The following HIVEP2 variants were observed in gnomAD, a reference collection of about 807,000 sequenced individuals.
HIVEP2 encodes the protein HIVEP zinc finger 2.
A neutral mutation model predicts 180.7 loss-of-function variants in HIVEP2; 14 were observed. The ratio of observed to expected loss-of-function variants is 0.08; its 90% CI spans 0.05 to 0.12. HIVEP2 has a LOEUF of 0.12. Ranked by LOEUF, HIVEP2 falls within the 10% of genes least tolerant of loss-of-function variation. HIVEP2 has a pLI of 1.00. For synonymous variants in HIVEP2, 1,184 were observed against 1,136.4 expected (o/e 1.04, Z -0.84); for missense variants, 2,579 against 3,008.5 (o/e 0.86, Z 3.34).
chr6:142,771,407 A>G lies in HIVEP2; in HGVS notation c.3332T>C (p.Leu1111Pro). The G allele has an allele frequency of 1.9e-6, 3 of 1,613,394 alleles. No individual in the cohort carries two copies. Among genetic ancestry groups the G allele is most frequent in the Non-Finnish European group, 2.5e-6 (3 of 1,180,008 alleles). ...CCACCCGGACCGGAGGCCAGCATGCAGGTGCTCCAGCTGCTCTTGCTTCAC... is the reference window on the plus strand; with the variant it reads ...CCACCCGGACCGGAGGCCAGCATGCGGGTGCTCCAGCTGCTCTTGCTTCAC... The part of the protein sequence containing the change: ...QSVKQEQLEH[L>P]HAGLRSGWHH... The change falls in exon 5 of 10, where the codon CTG becomes CCG. Residue 1111 changes from leucine (L) to proline (P), a missense_variant. Coordinates refer to ENST00000367603, the MANE Select transcript of HIVEP2 (RefSeq NM_006734.4). The surrounding 1 kb of genome is among the most constrained non-coding windows in gnomAD (Gnocchi z 5.4).
intron 1 of HIVEP2, among the ~76,000 whole-genome samples, chr6:142,933,225 G>A (rs368131404): frequency 6.6e-5 from 10 of 152,264 alleles, no homozygotes; most frequent in South Asian, 6.2e-4. Flanking sequence ...TCACTGCCTC[G>A]TTTATTTAGA....
intron 1 of HIVEP2, among the ~76,000 whole-genome samples, chr6:142,864,412 A>C (rs1471308078): frequency 6.6e-6 from 1 of 152,180 alleles, no homozygotes; most frequent in Non-Finnish European, 1.5e-5. Flanking sequence ...TTTCCAAAGA[A>C]ACTGACATCC....
chr6:142,791,921 A>G (rs1776146913), intron 2 of HIVEP2, among the ~76,000 whole-genome samples: 1 of 152,216 alleles, frequency 6.6e-6, no homozygotes, highest in Non-Finnish European at 1.5e-5. Context: ...TGTTGTGAGT[A>G]TATGAAGACA....
Position 142,938,346 on chromosome 6 carries a change from C to T in HIVEP2, c.-641+6753G>A, listed in dbSNP as rs566713073. ...GCATCCAATTAACAAGCCAAATTAG[C>T]GTTTCATATGTACACTATTAAACTA... On this transcript the variant is annotated intron_variant, in intron 1 of 9. Transcript: ENST00000367603. 9.2e-5 allele frequency among the ~76,000 whole-genome samples: 14 copies of T among 152,266 alleles called. No homozygotes were observed. In the South Asian group the frequency reaches 2.7e-3, roughly 29 times the overall value.
intron 2 of HIVEP2, among the ~76,000 whole-genome samples, chr6:142,795,749 G>A (rs1416656707): frequency 6.6e-6 from 1 of 152,088 alleles, no homozygotes; most frequent in Non-Finnish European, 1.5e-5. Context: ...CCTTGTAATG[G>A]AAGAAGAGCA....
Position 142,753,712 on chromosome 6 carries a change from T to C in HIVEP2, c.6736A>G (p.Ser2246Gly). 1 of 1,614,050 alleles carries C rather than the reference T, an allele frequency of 6.2e-7. No homozygotes were observed. Among genetic ancestry groups the C allele is most frequent in the Non-Finnish European group, 8.5e-7 (1 of 1,180,004 alleles). The stretch of plus-strand genomic sequence containing the variant: ...GGCAATGTGGGTGAAGGATGTAAAC[T>C]GGAAAGGGCTGGCGGCATGGAGTGA... ...MVHSMPPALS[S>G]LHPSPTLPLP... The change falls in exon 10 of 10, where the codon AGT becomes GGT. Residue 2246 changes from serine (S) to glycine (G), a missense_variant. By Grantham distance (56) the Ser-to-Gly change is moderately conservative. Coordinates refer to ENST00000367603, the MANE Select transcript of HIVEP2 (RefSeq NM_006734.4).
At chr6:142,870,501 C>T (rs1233661887) in intron 1 of HIVEP2, among the ~76,000 whole-genome samples, 1 of 152,154 alleles carries the variant, frequency 6.6e-6, no homozygotes, top group Non-Finnish European at 1.5e-5. Context: ...ATCCTCCTGC[C>T]CCCTTTTATT....
At chr6:142,874,749 C>G (rs901505618) in intron 1 of HIVEP2, among the ~76,000 whole-genome samples, 1 of 152,130 alleles carries the variant, frequency 6.6e-6, no homozygotes, top group African/African-American at 2.4e-5. Flanking sequence ...TCTGAATAAA[C>G]ATGGTCCATT....
intron 7 of HIVEP2, among the ~76,000 whole-genome samples, chr6:142,763,922 T>C (rs1283202636): frequency 6.6e-6 from 1 of 152,218 alleles, no homozygotes. Flanking sequence ...TAAAAGAATA[T>C]AGGTATACAT....
chr6:142,911,139 TAAAAAA>T (rs5880554), intron 1 of HIVEP2, among the ~76,000 whole-genome samples: 15 of 106,230 alleles, frequency 1.4e-4, no homozygotes, highest in East Asian at 1.0e-3. Flanking sequence ...ACAAACACAT[TAAAAAA>T]AAAAAAAAAA....
chr6:142,872,904 T>C (rs1776329254), intron 1 of HIVEP2, among the ~76,000 whole-genome samples: 1 of 152,204 alleles, frequency 6.6e-6, no homozygotes. Flanking sequence ...TTTTGACTGA[T>C]TTGACTATTG....
At chr6:142,867,492 C>G (rs1022517900) in intron 1 of HIVEP2, among the ~76,000 whole-genome samples, 1 of 152,152 alleles carries the variant, frequency 6.6e-6, no homozygotes, top group African/African-American at 2.4e-5. Flanking sequence ...AACAGATATG[C>G]TTTTGGTACA....
intron 1 of HIVEP2, among the ~76,000 whole-genome samples, chr6:142,942,860 T>C (rs1778213531): frequency 6.6e-6 from 1 of 152,182 alleles, no homozygotes; most frequent in African/African-American, 2.4e-5. Context: ...AAAATACAGA[T>C]GCAAATAAGC....
chr6:142,843,357 G>GA (rs960743426), intron 1 of HIVEP2, among the ~76,000 whole-genome samples: 1 of 151,978 alleles, frequency 6.6e-6, no homozygotes, highest in African/African-American at 2.4e-5. Context: ...AGCTAATACA[G>GA]AAAAAAAGTA....
chr6:142,816,923 C>G (rs901378605), intron 2 of HIVEP2, among the ~76,000 whole-genome samples: 1 of 151,958 alleles, frequency 6.6e-6, no homozygotes, highest in South Asian at 2.1e-4. Flanking sequence ...CACACAAACA[C>G]GCTATCTCTC....
chr6:142,787,923 C>T (rs1203070225), intron 2 of HIVEP2, among the ~76,000 whole-genome samples: 1 of 152,162 alleles, frequency 6.6e-6, no homozygotes, highest in African/African-American at 2.4e-5. Flanking sequence ...AGGAAGGATT[C>T]CCACAGAGTT....
At chr6:142,887,934 G>A (rs1776747658) in intron 1 of HIVEP2, among the ~76,000 whole-genome samples, 3 of 148,900 alleles carry the variant, frequency 2.0e-5, no homozygotes, top group Admixed American at 1.3e-4. Flanking sequence ...GGGGGAAGGG[G>A]AGGATATAGC....
At position 142,854,715 on chromosome 6, in the gene HIVEP2, G is replaced by A. The variant is rs189604904; in HGVS notation, c.-640-17668C>T. ...AAACTCCTCTGTGAATGTGAACCCTGCCACCAATGCCACATCCTGCTTCTT... is the reference window on the plus strand; with the variant it reads ...AAACTCCTCTGTGAATGTGAACCCTACCACCAATGCCACATCCTGCTTCTT... On this transcript the variant is annotated intron_variant, in intron 1 of 9. Coordinates refer to ENST00000367603, the MANE Select transcript of HIVEP2 (RefSeq NM_006734.4). 2.4e-3 allele frequency among the ~76,000 whole-genome samples: 371 copies of A among 152,252 alleles called. 1 individual carries two copies. Among genetic ancestry groups the A allele is most frequent in the African/African-American group, 8.5e-3 (352 of 41,552 alleles).
chr6:142,796,350 C>T (rs529112), intron 2 of HIVEP2, among the ~76,000 whole-genome samples: 145,217 of 152,236 alleles, frequency 0.95, 69,321 homozygotes, highest in East Asian at 1. Flanking sequence ...CCTCCAAAAC[C>T]TAACTACTAA....
Sources: allele counts gnomAD v4.1 joint callset (sites outside exome capture counted in the v4.1 genomes callset), GRCh38; gene constraint gnomAD v4.1.1; non-coding constraint Gnocchi (gnomAD v3.1); transcripts MANE v1.5; gene names NCBI Gene and HGNC (gene_info 2026-07-23, HGNC 2026-07-21).